The following COL21A1 variants were observed in gnomAD, a reference collection of about 807,000 sequenced individuals.
The protein encoded by COL21A1 is collagen type XXI alpha 1 chain.
A neutral mutation model predicts 137.9 loss-of-function variants in COL21A1; 149 were observed. That is an observed-to-expected ratio of 1.08 (90% confidence interval 0.95 to 1.24). The LOEUF is 1.24. COL21A1 is among the 50% of genes most tolerant of loss of function. COL21A1 has a pLI of 0.00. For missense variants in COL21A1, 1,167 were observed against 1,158.4 expected (o/e 1.01, Z -0.11); for synonymous variants, 456 against 391.5 (o/e 1.16, Z -1.95).
intron 1 of COL21A1, among the ~76,000 whole-genome samples, chr6:56,360,783 A>G (rs1447284344): frequency 6.6e-6 from 1 of 152,122 alleles, no homozygotes; most frequent in African/African-American, 2.4e-5. Context: ...GTATTTTTAG[A>G]TCTAAGAATA....
At chr6:56,169,190 T>C (rs1196365205) in intron 5 of COL21A1, among the ~76,000 whole-genome samples, 1 of 151,944 alleles carries the variant, frequency 6.6e-6, no homozygotes, top group Non-Finnish European at 1.5e-5. Flanking sequence ...GGAACTCTTG[T>C]TTTACTTCAA....
intron 17 of COL21A1, among the ~76,000 whole-genome samples, chr6:56,080,288 A>T (rs1054138690): frequency 1.3e-5 from 2 of 151,758 alleles, no homozygotes; most frequent in African/African-American, 2.4e-5. Context: ...GTAAGTGGAC[A>T]TATTTCCTCT....
Position 56,124,107 on chromosome 6 carries a change from T to A in COL21A1, c.1713A>T (p.Pro571=). The change falls in exon 16 of 30, where the codon CCA becomes CCT. Residue 571 remains proline (P), a synonymous_variant. Coordinates refer to ENST00000244728, the MANE Select transcript of COL21A1 (RefSeq NM_030820.4). ...TTAATCCATCCTTTCCATGTCTTCCTGGTTCTCCCTAAAAAATAAATACAT... is the reference window on the plus strand; with the variant it reads ...TTAATCCATCCTTTCCATGTCTTCCAGGTTCTCCCTAAAAAATAAATACAT... ...FPGLPGPAGE[P]GRHGKDGLMG... is the part of the protein sequence containing the mutation. The A allele has an allele frequency of 6.5e-7, 1 of 1,541,106 alleles. No individual in the cohort carries two copies. The highest frequency in any genetic ancestry group is 1.2e-5 in the South Asian group (1 of 81,200).
chr6:56,364,848 T>C (rs1312751053), intron 1 of COL21A1, among the ~76,000 whole-genome samples: 2 of 152,308 alleles, frequency 1.3e-5, no homozygotes, highest in Middle Eastern at 3.4e-3. Context: ...ACAGCTATTA[T>C]TGGGCACCAT....
At chr6:56,305,598 C>T (rs1764426372) in intron 1 of COL21A1, among the ~76,000 whole-genome samples, 3 of 152,164 alleles carry the variant, frequency 2.0e-5, no homozygotes, top group South Asian at 4.2e-4. Context: ...AGATCTTCCT[C>T]CATCCCTTTA....
At chr6:56,217,317 A>G (rs1471635568) in intron 1 of COL21A1, among the ~76,000 whole-genome samples, 2 of 152,040 alleles carry the variant, frequency 1.3e-5, no homozygotes, top group Non-Finnish European at 2.9e-5. Context: ...ATCACCAATT[A>G]AGTCAATGCT....
chr6:56,389,901 A>G (rs10456187), intron 1 of COL21A1, among the ~76,000 whole-genome samples: 8,675 of 152,306 alleles, frequency 0.057, 327 homozygotes, highest in Non-Finnish European at 0.092. Context: ...TTTCATCAAC[A>G]TCAGACCTGT....
intron 1 of COL21A1, among the ~76,000 whole-genome samples, chr6:56,349,748 T>C (rs749011386): frequency 1.3e-5 from 2 of 152,258 alleles, no homozygotes; most frequent in Non-Finnish European, 2.9e-5. Context: ...GTATTTAGGT[T>C]GCCTTACCTT....
intron 1 of COL21A1, among the ~76,000 whole-genome samples, chr6:56,351,320 C>T (rs1340099818): frequency 1.3e-5 from 2 of 152,182 alleles, no homozygotes; most frequent in African/African-American, 2.4e-5. Context: ...AGGGGGTCCC[C>T]GTTGTGAAAA....
intron 17 of COL21A1, among the ~76,000 whole-genome samples, chr6:56,098,256 AAT>A (rs1163009962): frequency 1.9e-5 from 1 of 53,898 alleles, no homozygotes; most frequent in Non-Finnish European, 3.2e-5. Context: ...TAAATATATA[AAT>A]ACATATATAA....
intron 3 of COL21A1, among the ~76,000 whole-genome samples, chr6:56,174,816 A>G (rs1377913984): frequency 6.6e-6 from 1 of 152,098 alleles, no homozygotes; most frequent in Non-Finnish European, 1.5e-5. Context: ...TAAGGCCAGC[A>G]TTAACCTGAT....
chr6:56,125,380 C>T (rs1772964533), intron 14 of COL21A1, 187 bp downstream of exon 14: 1 of 420,218 alleles, frequency 2.4e-6, no homozygotes, highest in Non-Finnish European at 4.2e-6. Context: ...GGATACCATA[C>T]ATAGCAGTCT....
chr6:56,392,511 A>T (rs1281539301), intron 1 of COL21A1, among the ~76,000 whole-genome samples: 3 of 152,218 alleles, frequency 2.0e-5, no homozygotes, highest in Non-Finnish European at 4.4e-5. Context: ...AGACAAGAGA[A>T]CAAAATAAAG....
chr6:56,235,992 C>T (rs1925151), intron 1 of COL21A1, among the ~76,000 whole-genome samples: 10,438 of 151,978 alleles, frequency 0.069, 405 homozygotes, highest in Middle Eastern at 0.12. Context: ...TAGCTGATAC[C>T]AAATTGAATT....
At chr6:56,152,222 C>T (rs1775384186) in intron 10 of COL21A1, among the ~76,000 whole-genome samples, 1 of 152,154 alleles carries the variant, frequency 6.6e-6, no homozygotes, top group Non-Finnish European at 1.5e-5. Context: ...CTCACGATTA[C>T]CTCACTGTGC....
At chr6:56,309,488 CCA>C (rs1764554696) in intron 1 of COL21A1, among the ~76,000 whole-genome samples, 1 of 152,070 alleles carries the variant, frequency 6.6e-6, no homozygotes, top group South Asian at 2.1e-4. Context: ...TCAGACAACC[CCA>C]GAGGTAGCTC....
intron 1 of COL21A1, among the ~76,000 whole-genome samples, chr6:56,210,909 A>G (rs1780114727): frequency 6.6e-6 from 1 of 151,964 alleles, no homozygotes; most frequent in Non-Finnish European, 1.5e-5. Flanking sequence ...CCTAATTTAA[A>G]CCATTGAATG....
chr6:56,200,124 G>C (rs970342201), intron 1 of COL21A1, among the ~76,000 whole-genome samples: 2 of 152,148 alleles, frequency 1.3e-5, no homozygotes, highest in Admixed American at 6.6e-5. Flanking sequence ...GATGGAGTAA[G>C]TTTGGTTTGT....
chr6:56,177,681 A>G (rs1165713636), intron 3 of COL21A1, among the ~76,000 whole-genome samples: 2 of 150,418 alleles, frequency 1.3e-5, no homozygotes, highest in Non-Finnish European at 3.0e-5. Context: ...AGTCCCAGCT[A>G]CTCGGGAGGC....
Sources: gnomAD v4.1 joint callset for allele counts (sites outside exome capture counted in the v4.1 genomes callset) on GRCh38, gnomAD v4.1.1 for gene constraint, MANE v1.5 for transcripts, NCBI Gene and HGNC (gene_info 2026-07-23, HGNC 2026-07-21) for gene names.